Variants in TRIP12 observed in about 807,000 individuals in gnomAD.
The protein encoded by TRIP12 is thyroid hormone receptor interactor 12.
In TRIP12, 25 loss-of-function variants were observed where a neutral mutation model predicts 244.2. The ratio of observed to expected loss-of-function variants is 0.10; its 90% CI spans 0.07 to 0.14. The LOEUF (loss-of-function observed/expected upper bound fraction) is 0.14, where lower values mean the gene tolerates loss of function less well. Among genes scored for constraint, TRIP12 ranks in the 10% least tolerant of loss-of-function variants. The probability of loss-of-function intolerance (pLI) is 1.00; values close to 1 mark genes in which losing one functional copy is unlikely to be tolerated. For missense variants in TRIP12, 1,677 were observed against 2,486.4 expected (o/e 0.67, Z 6.92); for synonymous variants, 905 against 873.1 (o/e 1.04, Z -0.64).
intron 1 of TRIP12, among the ~76,000 whole-genome samples, chr2:229,901,852 G>A (rs13399826): frequency 0.27 from 40,533 of 151,780 alleles, 6,065 homozygotes; most frequent in East Asian, 0.4. Context: ...GTAGCAGACA[G>A]GGTTCCCTAC....
intron 6 of TRIP12, among the ~76,000 whole-genome samples, chr2:229,833,390 C>A (rs1337967791): frequency 6.6e-6 from 1 of 152,124 alleles, no homozygotes; most frequent in Non-Finnish European, 1.5e-5. Flanking sequence ...AGGGCTCAAG[C>A]GATCCTCCTG....
intron 8 of TRIP12, among the ~76,000 whole-genome samples, chr2:229,819,275 T>C (rs1029782438): frequency 6.6e-6 from 1 of 152,216 alleles, no homozygotes; most frequent in South Asian, 2.1e-4. Context: ...CTGGGTGCAG[T>C]GGCTCATGCC....
chr2:229,906,160 C>T (rs2072713532), intron 1 of TRIP12, among the ~76,000 whole-genome samples: 1 of 151,604 alleles, frequency 6.6e-6, no homozygotes, highest in Non-Finnish European at 1.5e-5. Flanking sequence ...CAAAAATTAG[C>T]TGGGCATAGT....
At chr2:229,831,814 C>T (rs2053465619) in intron 6 of TRIP12, among the ~76,000 whole-genome samples, 1 of 151,344 alleles carries the variant, frequency 6.6e-6, no homozygotes, top group Non-Finnish European at 1.5e-5. Flanking sequence ...AAACCATATT[C>T]CTGCAAAACT....
intron 1 of TRIP12, among the ~76,000 whole-genome samples, chr2:229,908,829 T>C (rs991657742): frequency 3.3e-5 from 5 of 151,302 alleles, no homozygotes; most frequent in Non-Finnish European, 7.4e-5. Context: ...TGATGGCTCA[T>C]GCCTGTAATC....
chr2:229,833,447 C>G (rs182095664), intron 6 of TRIP12, among the ~76,000 whole-genome samples: 114 of 152,258 alleles, frequency 7.5e-4, no homozygotes, highest in Non-Finnish European at 1.5e-3. Context: ...GCCACCAAGT[C>G]TGGCTAAGTT....
At chr2:229,784,094 G>A (rs1197581960) in intron 34 of TRIP12, among the ~76,000 whole-genome samples, 7 of 107,852 alleles carry the variant, frequency 6.5e-5, no homozygotes, top group African/African-American at 2.3e-4. Flanking sequence ...TGGGCAACAA[G>A]AGCAAAACTC....
At chr2:229,866,581 A>G (rs1042863820) in intron 2 of TRIP12, among the ~76,000 whole-genome samples, 2 of 152,198 alleles carry the variant, frequency 1.3e-5, no homozygotes, top group Admixed American at 6.5e-5. Context: ...TACATTATAG[A>G]CAGGGAGCAC....
chr2:229,765,316 A>C lies in TRIP12; in HGVS notation c.*2238T>G, dbSNP rs576872914. ...ACCAAGCAAATGAATTTAAGGCATA[A>C]CTGGAGTAACAGCAAATGAAGTATA... On this transcript the variant is annotated 3_prime_UTR_variant, in exon 42 of 42. Transcript: ENST00000675903. 6.6e-6 allele frequency: 1 copy of C among 152,228 alleles called. No individual in the cohort carries two copies. The highest frequency in any genetic ancestry group is 1.5e-5 in the Non-Finnish European group (1 of 68,036). 9.4% of individuals were successfully genotyped at this position (152,228 alleles called of 1,614,324 possible).
rs962228685 is a variant in TRIP12 at position 229,807,868 on chromosome 2, A to G, written c.2340-4T>C. On this transcript the variant is annotated splice_polypyrimidine_tract_variant and splice_region_variant and intron_variant, in intron 16 of 41. Transcript: ENST00000675903. ...TGGTAAACATGGCATAAGTTCACTG[A>G]AAACAAAAAGTACAATAATTTTAGT... 28 of 1,611,086 alleles carry G rather than the reference A, an allele frequency of 1.7e-5. No homozygotes were observed. The Admixed American group carries it at 2.3e-4, about 13-fold the overall frequency.
intron 6 of TRIP12, among the ~76,000 whole-genome samples, chr2:229,834,066 C>T (rs909963722): frequency 6.6e-6 from 1 of 152,226 alleles, no homozygotes; most frequent in African/African-American, 2.4e-5. Flanking sequence ...AAAAATGTGA[C>T]TATCAGTAGA....
intron 8 of TRIP12, among the ~76,000 whole-genome samples, chr2:229,825,884 T>A (rs995746903): frequency 1.3e-5 from 2 of 152,096 alleles, no homozygotes; most frequent in Non-Finnish European, 2.9e-5. Context: ...CTCAAAAAGA[T>A]CCCATCATCC....
In TRIP12 at chr2:229,778,310, C is replaced by A. The variant is rs1437924009; in HGVS notation, c.5364+123G>T. 2.4e-6 allele frequency: 3 copies of A among 1,238,620 alleles called. No homozygotes were observed. The highest frequency in any genetic ancestry group is 3.4e-6 in the Non-Finnish European group (3 of 887,660). The allele number at this position is 1,238,620 out of a possible 1,614,324, so 76.7% of individuals were successfully genotyped here. On this transcript the variant is annotated intron_variant, in intron 36 of 41. Transcript: ENST00000675903. This position sits in a 1 kb window ranked among gnomAD's most constrained non-coding sequence, Gnocchi z 4.1. ...TTTTTAACAAAATCCCCAAGTAATT[C>A]ATATGTGTATTGAAGTTTGAGAAGC...
At chr2:229,914,756 TACAC>T (rs2075054023) in intron 1 of TRIP12, among the ~76,000 whole-genome samples, 1 of 152,166 alleles carries the variant, frequency 6.6e-6, no homozygotes, top group African/African-American at 2.4e-5. Context: ...TTGATTAAAA[TACAC>T]ACTGAAATGC....
chr2:229,912,732 G>A (rs149720317), intron 1 of TRIP12, among the ~76,000 whole-genome samples: 14 of 152,242 alleles, frequency 9.2e-5, no homozygotes, highest in African/African-American at 2.2e-4. Context: ...TGCTGTAGTC[G>A]TAAGTTTCAA....
At chr2:229,921,835 T>TC (rs2154385916) in intron 1 of TRIP12, 45 bp downstream of exon 1, 1 of 31,066 alleles carries the variant, frequency 3.2e-5, no homozygotes, top group Admixed American at 3.5e-4. Flanking sequence ...GCTGGCCCCC[T>TC]CCCCCAAGGC....
intron 5 of TRIP12, among the ~76,000 whole-genome samples, chr2:229,838,325 T>C (rs1200310856): frequency 6.6e-6 from 1 of 152,222 alleles, no homozygotes; most frequent in Non-Finnish European, 1.5e-5. Flanking sequence ...CTGACCACTT[T>C]GGATACATAG....
chr2:229,818,636 T>C, intron 8 of TRIP12, 124 bp from the exon 9 acceptor site: 2 of 886,430 alleles, frequency 2.3e-6, no homozygotes, highest in Non-Finnish European at 3.4e-6. Flanking sequence ...ACTAGGTCTA[T>C]ACCAGGGTTA....
At chr2:229,860,642 G>GGA in intron 2 of TRIP12, 111 bp from the exon 3 acceptor site, 4 of 1,003,214 alleles carry the variant, frequency 4.0e-6, no homozygotes, top group Non-Finnish European at 5.4e-6. Flanking sequence ...ATTCATTGTT[G>GGA]ACCCTACCCT....
Sources: allele counts gnomAD v4.1 joint callset (sites outside exome capture counted in the v4.1 genomes callset), GRCh38; gene constraint gnomAD v4.1.1; non-coding constraint Gnocchi (gnomAD v3.1); transcripts MANE v1.5; gene names NCBI Gene and HGNC (gene_info 2026-07-23, HGNC 2026-07-21).